UMODL1: variants seen among roughly 807,000 people sequenced by gnomAD.
UMODL1 encodes uromodulin like 1.
In UMODL1, 128 loss-of-function variants were observed where a neutral mutation model predicts 136.3. That is an observed-to-expected ratio of 0.94 (90% CI 0.81 to 1.09). The LOEUF is 1.09. UMODL1 is among the 50% of genes least tolerant of loss of function. UMODL1 has a pLI of 0.00. For missense variants in UMODL1, 1,766 were observed against 1,725.6 expected, an observed-to-expected ratio of 1.02 and a Z score of -0.41; for synonymous variants, 721 against 720.0, an observed-to-expected ratio of 1.00 and a Z score of -0.02.
At position 42,077,437 on chromosome 21, in the gene UMODL1, T is replaced by C. The variant is rs114896580; in HGVS notation, c.319+1190T>C. On this transcript the variant is annotated intron_variant, in intron 2 of 22. Coordinates refer to ENST00000408910, the MANE Select transcript of UMODL1 (RefSeq NM_001004416.3). ...CTAGATTTTCTTTTATACTTTGGTT[T>C]AGAAAGAGGAGTGGGGGTCTAGTTA... 5.8e-3 allele frequency among the ~76,000 whole-genome samples: 878 copies of C among 152,064 alleles called. 8 individuals are homozygous for C. Among genetic ancestry groups the C allele is most frequent in the African/African-American group, 0.02 (835 of 41,472 alleles).
intron 7 of UMODL1, among the ~76,000 whole-genome samples, chr21:42,101,164 G>A (rs900179058): frequency 6.6e-6 from 1 of 151,614 alleles, no homozygotes; most frequent in Non-Finnish European, 1.5e-5. Context: ...ATTCCACCTT[G>A]TCATGAGCCT....
rs1395936952 is a variant in UMODL1, at chr21:42,129,707, AAACAG to A, written c.3691-3_3692del. 1.3e-6 allele frequency: 2 copies of A among 1,574,508 alleles called. No individual in the cohort carries two copies. The highest frequency in any genetic ancestry group is 4.1e-5 in the Admixed American group (2 of 48,822). On this transcript the variant is annotated splice_acceptor_variant and splice_polypyrimidine_tract_variant and intron_variant, in intron 20 of 22. Coordinates refer to ENST00000408910, the MANE Select transcript of UMODL1 (RefSeq NM_001004416.3). LOFTEE classifies it high-confidence loss of function. ...GACGTTTCTCTTCTTGGAAAAAAAA[AAACAG>A]AATTGCAATAACTTTCGGTTGCTGC...
chr21:42,137,227 G>A (rs1601289488), intron 21 of UMODL1, among the ~76,000 whole-genome samples: 2 of 152,230 alleles, frequency 1.3e-5, no homozygotes, highest in East Asian at 3.8e-4. Context: ...CAAGGCCCAG[G>A]CCTCCCCAGG....
intron 2 of UMODL1, among the ~76,000 whole-genome samples, chr21:42,082,484 T>A (rs1194211332): frequency 6.6e-6 from 1 of 152,204 alleles, no homozygotes; most frequent in Non-Finnish European, 1.5e-5. Flanking sequence ...TTGCCATGTA[T>A]CTGGGCATGA....
rs559068156 is a variant in UMODL1, at chr21:42,137,709, C to T, written c.*21+68C>T. 18 of 797,742 alleles carry T rather than the reference C, an allele frequency of 2.3e-5. No individual in the cohort carries two copies. The East Asian group carries it at 3.6e-4, about 16-fold the overall frequency. The allele number at this position is 797,742 out of a possible 1,614,324, so 49.4% of individuals were successfully genotyped here. On this transcript the variant is annotated intron_variant, in intron 22 of 22. Coordinates refer to ENST00000408910, the MANE Select transcript of UMODL1 (RefSeq NM_001004416.3). ...TGGGTGTGGAGTGGGGTGGGAGGTGCAGGCTGACAGGAGGGTGGGTGCGGA... is the reference window on the plus strand; with the variant it reads ...TGGGTGTGGAGTGGGGTGGGAGGTGTAGGCTGACAGGAGGGTGGGTGCGGA...
In UMODL1 at chr21:42,126,596, G is replaced by A. The variant is rs1435155036; in HGVS notation, c.3293+106G>A. 8.0e-6 allele frequency: 12 copies of A among 1,500,072 alleles called. No individual in the cohort carries two copies. The Admixed American group carries it at 9.6e-5, about 12-fold the overall frequency. 92.9% of individuals were successfully genotyped at this position (1,500,072 alleles called of 1,614,324 possible). ...CCACTTAAGGACCCTTCCTTGAGAT[G>A]GAATATACAAATGGGTGTGGCCTGG... is the stretch of plus-strand genomic sequence containing the variant. On this transcript the variant is annotated intron_variant, in intron 18 of 22. Coordinates refer to ENST00000408910, the MANE Select transcript of UMODL1 (RefSeq NM_001004416.3).
intron 17 of UMODL1, among the ~76,000 whole-genome samples, chr21:42,124,982 C>T (rs114972448): frequency 0.019 from 2,925 of 152,204 alleles, 79 homozygotes; most frequent in African/African-American, 0.066. Context: ...AACCTGACAC[C>T]GAGAAGCAGC....
At chr21:42,063,017 G>A (rs1053858615) in exon 1 of UMODL1, 2 of 152,256 alleles carry the variant, frequency 1.3e-5, no homozygotes, top group East Asian at 3.9e-4. Context: ...CCCAGGCTCT[G>A]GGGTGAGCCC....
intron 6 of UMODL1, among the ~76,000 whole-genome samples, chr21:42,096,613 G>T (rs1420963454): frequency 6.6e-6 from 1 of 152,148 alleles, no homozygotes; most frequent in Non-Finnish European, 1.5e-5. Context: ...ATCTGGGTGG[G>T]CCATCTGTTG....
chr21:42,142,611 A>C lies in UMODL1; in HGVS notation c.*537A>C, dbSNP rs1193080647. ...ACACTGCTAATGTTATTTTTAGTGG[A>C]TGTTTATGCTGTTTGACTTTTCTCC... is the stretch of plus-strand genomic sequence containing the variant. On this transcript the variant is annotated 3_prime_UTR_variant, in exon 23 of 23. Coordinates refer to ENST00000408910, the MANE Select transcript of UMODL1 (RefSeq NM_001004416.3). The C allele has an allele frequency of 6.6e-6, 1 of 152,190 alleles. No individual in the cohort carries two copies. The highest frequency in any genetic ancestry group is 1.5e-5 in the Non-Finnish European group (1 of 68,036). The allele number at this position is 152,190 out of a possible 1,614,324, so 9.4% of individuals were successfully genotyped here. A position where few individuals can be genotyped will look rare whatever the true frequency, so the allele number is the denominator to read the frequency against.
rs2067005070 is a variant in UMODL1 at position 42,123,285 on chromosome 21, G to A, written c.3147+135G>A. 9.4e-7 allele frequency: 1 copy of A among 1,068,300 alleles called. No individual in the cohort carries two copies. Among genetic ancestry groups the A allele is most frequent in the Non-Finnish European group, 1.3e-6 (1 of 763,134 alleles). 66.2% of individuals were successfully genotyped at this position (1,068,300 alleles called of 1,614,324 possible). ...CCCAGCAAGGGGGGTTCAGGACAGG[G>A]TTGAGTTCTCAACCAGGGACCAGCC... On this transcript the variant is annotated intron_variant, in intron 17 of 22. Transcript: ENST00000408910. This position sits in a 1 kb window ranked among gnomAD's most constrained non-coding sequence, Gnocchi z 4.4.
At chr21:42,140,414 G>A (rs2067266124) in intron 22 of UMODL1, among the ~76,000 whole-genome samples, 1 of 151,718 alleles carries the variant, frequency 6.6e-6, no homozygotes, top group African/African-American at 2.4e-5. Flanking sequence ...TGGTTGGGAG[G>A]TCCAGGGCAG....
intron 17 of UMODL1, among the ~76,000 whole-genome samples, chr21:42,124,712 G>T (rs1192821466): frequency 6.6e-6 from 1 of 152,112 alleles, no homozygotes; most frequent in Non-Finnish European, 1.5e-5. Context: ...AGGAATGGTG[G>T]TTCCTGGTCG....
intron 14 of UMODL1, among the ~76,000 whole-genome samples, chr21:42,116,574 T>C (rs2066904961): frequency 1.3e-5 from 2 of 151,938 alleles, no homozygotes; most frequent in Admixed American, 1.3e-4. Flanking sequence ...GTGAAACCTG[T>C]TTTTCAGTTG....
At chr21:42,091,794 C>T (rs995301937) in intron 6 of UMODL1, among the ~76,000 whole-genome samples, 5 of 152,152 alleles carry the variant, frequency 3.3e-5, no homozygotes, top group Non-Finnish European at 5.9e-5. Flanking sequence ...GAGTTGGACG[C>T]GTGGTGCTGG....
chr21:42,089,413 G>A (rs142315707), intron 5 of UMODL1, among the ~76,000 whole-genome samples: 130 of 152,286 alleles, frequency 8.5e-4, no homozygotes, highest in African/African-American at 2.9e-3. Flanking sequence ...CAAAGTGCTC[G>A]TTCTGTCATC....
At chr21:42,119,796 C>G (rs1045055384) in intron 15 of UMODL1, among the ~76,000 whole-genome samples, 1 of 152,116 alleles carries the variant, frequency 6.6e-6, no homozygotes, top group Admixed American at 6.5e-5. Flanking sequence ...AAACAAAAGA[C>G]TTTTTAAAAA....
Position 42,119,190 on chromosome 21 carries a change from A to G in UMODL1, c.2555A>G (p.Asn852Ser), listed in dbSNP as rs763123349. 6 of 1,614,164 alleles carry G rather than the reference A, an allele frequency of 3.7e-6. No homozygotes were observed. The highest frequency in any genetic ancestry group is 4.2e-6 in the Non-Finnish European group (5 of 1,179,998). Reference sequence around the variant, plus strand: ...AGGATGGAAGTCGTCAGCGTCACCAACGGCAGCATCGTGGTGGAGTTTCAC... The same window carrying G: ...AGGATGGAAGTCGTCAGCGTCACCAGCGGCAGCATCGTGGTGGAGTTTCAC... ...GVRMEVVSVT[N>S]GSIVVEFHLL... The change falls in exon 15 of 23, where the codon AAC (asparagine) becomes AGC (serine). Residue 852 changes from asparagine (N) to serine (S), a missense_variant. Coordinates refer to ENST00000408910, the MANE Select transcript of UMODL1 (RefSeq NM_001004416.3).
At chr21:42,119,084 C>A (rs201013128) in intron 14 of UMODL1, 27 bp from the exon 15 acceptor site, 2 of 1,604,822 alleles carry the variant, frequency 1.2e-6, no homozygotes, top group Non-Finnish European at 1.7e-6. Flanking sequence ...GCGTGGGGAC[C>A]TCCTCACATG....
Sources: gnomAD v4.1 joint callset for allele counts (sites outside exome capture counted in the v4.1 genomes callset) on GRCh38, gnomAD v4.1.1 for gene constraint, Gnocchi (gnomAD v3.1) non-coding constraint, MANE v1.5 for transcripts, NCBI Gene and HGNC (gene_info 2026-07-23, HGNC 2026-07-21) for gene names.